Variants in KCNAB1 observed in about 807,000 individuals in gnomAD.
KCNAB1 encodes potassium voltage-gated channel subfamily A regulatory beta subunit 1, also known as voltage-gated potassium channel subunit beta-1.
In KCNAB1, 35 loss-of-function variants were observed where a neutral mutation model predicts 64.6. The observed-to-expected ratio is 0.54, with a 90% CI of 0.41 to 0.72. KCNAB1 has a LOEUF of 0.72. KCNAB1 is among the 30% of genes least tolerant of loss of function. The pLI is 0.00. For synonymous variants in KCNAB1, 177 were observed against 183.8 expected (o/e 0.96, Z 0.30); for missense variants, 401 against 512.9 (o/e 0.78, Z 2.11).
At position 156,208,648 on chromosome 3, in the gene KCNAB1, A is replaced by T. The variant is rs146599699; in HGVS notation, c.275+87762A>T. Among the ~76,000 whole-genome samples, 304 of 152,324 alleles carry T rather than the reference A, an allele frequency of 2.0e-3. 1 individual carries two copies. Among genetic ancestry groups the T allele is most frequent in the Non-Finnish European group, 2.8e-3 (188 of 68,032 alleles). On this transcript the variant is annotated intron_variant, in intron 1 of 13. Coordinates refer to ENST00000490337, the MANE Select transcript of KCNAB1 (RefSeq NM_172160.3). ...AGGAGGGAAAAAAATACTTGCCCAT[A>T]CTGACAATGAGCTGAATTTCATGCT... is the stretch of plus-strand genomic sequence containing the variant.
intron 1 of KCNAB1, among the ~76,000 whole-genome samples, chr3:156,221,088 G>A (rs1350230279): frequency 1.3e-5 from 2 of 152,072 alleles, no homozygotes; most frequent in African/African-American, 2.4e-5. Context: ...CTCTGTTTTG[G>A]TACCAGTACC....
At chr3:156,437,970 G>T (rs1716703017) in intron 2 of KCNAB1, among the ~76,000 whole-genome samples, 1 of 152,130 alleles carries the variant, frequency 6.6e-6, no homozygotes, top group South Asian at 2.1e-4. Flanking sequence ...TAGACAAGTT[G>T]TCATCTCGGC....
upstream of KCNAB1, among the ~76,000 whole-genome samples, chr3:156,119,326 A>C (rs1247184199): frequency 6.6e-6 from 1 of 152,204 alleles, no homozygotes; most frequent in African/African-American, 2.4e-5. Flanking sequence ...TAGTTCAGAT[A>C]GTAAAGGGAT....
At chr3:156,531,094 A>G (rs1718671622) in intron 12 of KCNAB1, among the ~76,000 whole-genome samples, 1 of 152,202 alleles carries the variant, frequency 6.6e-6, no homozygotes, top group South Asian at 2.1e-4. Flanking sequence ...GAGAAGCAAG[A>G]AAGACAGCAG....
chr3:156,533,381 T>C (rs1457026297), intron 13 of KCNAB1, among the ~76,000 whole-genome samples: 2 of 151,926 alleles, frequency 1.3e-5, no homozygotes, highest in African/African-American at 4.8e-5. Context: ...GGAAGAGCAG[T>C]GGAAAGGCCC....
chr3:156,275,692 C>T (rs561450881), intron 1 of KCNAB1, among the ~76,000 whole-genome samples: 1 of 152,308 alleles, frequency 6.6e-6, no homozygotes, highest in African/African-American at 2.4e-5. Context: ...AAACTACTTT[C>T]TTTGCTCATT....
intron 1 of KCNAB1, among the ~76,000 whole-genome samples, chr3:156,183,054 T>C (rs1712970156): frequency 1.3e-5 from 2 of 152,146 alleles, no homozygotes; most frequent in Non-Finnish European, 1.5e-5. Flanking sequence ...TTTTTTACCA[T>C]ACAATAATTG....
At chr3:156,119,254 A>G (rs1424338958), upstream of KCNAB1, among the ~76,000 whole-genome samples, 2 of 152,208 alleles carry the variant, frequency 1.3e-5, no homozygotes, top group African/African-American at 4.8e-5. Flanking sequence ...TAAAGGAAGC[A>G]AGATAATCCA....
At chr3:156,293,229 C>T (rs953176980) in intron 1 of KCNAB1, among the ~76,000 whole-genome samples, 2 of 152,218 alleles carry the variant, frequency 1.3e-5, no homozygotes, top group African/African-American at 4.8e-5. Flanking sequence ...TTCTTTAAAA[C>T]TACTGTGCTT....
At chr3:156,315,733 C>T (rs1466716432) in intron 1 of KCNAB1, among the ~76,000 whole-genome samples, 1 of 152,102 alleles carries the variant, frequency 6.6e-6, no homozygotes, top group Non-Finnish European at 1.5e-5. Flanking sequence ...AGTATATCTT[C>T]ATATCTATAT....
intron 8 of KCNAB1, among the ~76,000 whole-genome samples, chr3:156,503,484 C>T (rs1178957514): frequency 6.6e-6 from 1 of 152,168 alleles, no homozygotes; most frequent in East Asian, 1.9e-4. Flanking sequence ...TATAGCATCC[C>T]ATAGCCTCCC....
intron 6 of KCNAB1, 111 bp from the exon 7 acceptor site, chr3:156,465,532 G>A (rs911576168): frequency 1.1e-6 from 1 of 884,176 alleles, no homozygotes; most frequent in Non-Finnish European, 1.9e-6. Context: ...CCCTCCAGTG[G>A]TGTAGAATTT....
intron 1 of KCNAB1, among the ~76,000 whole-genome samples, chr3:156,187,886 T>C (rs66718940): frequency 0.15 from 22,290 of 152,224 alleles, 1,816 homozygotes; most frequent in African/African-American, 0.18. Context: ...TTCATTGGTT[T>C]CCCAATTTAT....
At chr3:156,209,656 C>T (rs1304258631) in intron 1 of KCNAB1, among the ~76,000 whole-genome samples, 1 of 152,156 alleles carries the variant, frequency 6.6e-6, no homozygotes, top group African/African-American at 2.4e-5. Flanking sequence ...GAACAGAACA[C>T]AAGATGTCTG....
chr3:156,321,328 C>A (rs867312720), intron 1 of KCNAB1, among the ~76,000 whole-genome samples: 158 of 152,256 alleles, frequency 1.0e-3, no homozygotes, highest in African/African-American at 3.7e-3. Context: ...GGAACCAGTG[C>A]AAAAGCAAAC....
intron 1 of KCNAB1, among the ~76,000 whole-genome samples, chr3:156,145,826 G>C (rs890833492): frequency 1.3e-5 from 2 of 152,042 alleles, no homozygotes; most frequent in African/African-American, 4.8e-5. Flanking sequence ...TGTAGTGTCT[G>C]TCCATCAGTC....
intron 12 of KCNAB1, among the ~76,000 whole-genome samples, chr3:156,529,678 T>C (rs1277788894): frequency 6.6e-6 from 1 of 152,110 alleles, no homozygotes; most frequent in East Asian, 1.9e-4. Flanking sequence ...AACCACTTGA[T>C]TAGAGGAATA....
intron 6 of KCNAB1, among the ~76,000 whole-genome samples, chr3:156,464,977 G>A (rs1289855536): frequency 6.6e-6 from 1 of 152,100 alleles, no homozygotes; most frequent in African/African-American, 2.4e-5. Flanking sequence ...TCACAAAAGT[G>A]AATGGTAAAT....
chr3:156,292,075 G>A (rs1276284880), intron 1 of KCNAB1: 1 of 1,614,150 alleles, frequency 6.2e-7, no homozygotes, highest in African/African-American at 1.3e-5. Flanking sequence ...TCACGCCTCA[G>A]CATCACATTT....
Sources: allele counts gnomAD v4.1 joint callset (sites outside exome capture counted in the v4.1 genomes callset), GRCh38; gene constraint gnomAD v4.1.1; transcripts MANE v1.5; gene names NCBI Gene and HGNC (gene_info 2026-07-23, HGNC 2026-07-21).